NDUFA11: variants seen among roughly 807,000 people sequenced by gnomAD.
NDUFA11 encodes NADH:ubiquinone oxidoreductase subunit A11, also known as NADH dehydrogenase [ubiquinone] 1 alpha subcomplex subunit 11.
A neutral mutation model predicts 11.3 loss-of-function variants in NDUFA11; 14 were observed. That is an observed-to-expected ratio of 1.24 (90% CI 0.82 to 1.94). NDUFA11 has a LOEUF of 1.94. Ranked by LOEUF, NDUFA11 falls within the 30% of genes most tolerant of loss-of-function variation. The pLI, the probability that NDUFA11 is intolerant of heterozygous loss-of-function variation, is 0.00. For missense variants in NDUFA11, 204 were observed against 200.3 expected (o/e 1.02, Z -0.11); for synonymous variants, 87 against 85.6 (o/e 1.02, Z -0.09).
At position 5,896,688 on chromosome 19, in the gene NDUFA11, G is replaced by A. The variant is rs1409480940; in HGVS notation, c.191-113C>T. On this transcript the variant is annotated intron_variant, in intron 2 of 3. Transcript: ENST00000308961. The surrounding 1 kb of genome is among the most constrained non-coding windows in gnomAD (Gnocchi z 5.8). Reference sequence around the variant, plus strand: ...AGATGCCACGAGTCGGCTGCTCGCTGTGCATGGCAGCCTCCTGGCCCCAGT... The same window carrying A: ...AGATGCCACGAGTCGGCTGCTCGCTATGCATGGCAGCCTCCTGGCCCCAGT... The A allele has an allele frequency of 6.8e-7, 1 of 1,462,076 alleles. No individual in the cohort carries two copies. The highest frequency in any genetic ancestry group is 1.4e-5 in the African/African-American group (1 of 71,442). 90.6% of individuals were successfully genotyped at this position (1,462,076 alleles called of 1,614,324 possible).
At chr19:5,892,838 G>T, downstream of NDUFA11, 1 of 1,385,406 alleles carries the variant, frequency 7.2e-7, no homozygotes, top group Non-Finnish European at 9.4e-7. Context: ...CATCTCTGAG[G>T]GGCCCTTATT....
chr19:5,898,861 G>C (rs1265015788), intron 1 of NDUFA11, among the ~76,000 whole-genome samples: 2 of 147,590 alleles, frequency 1.4e-5, no homozygotes, highest in East Asian at 4.0e-4. Context: ...GGGACAGAGT[G>C]AGACTCCGTC....
intron 1 of NDUFA11, 83 bp downstream of exon 1, chr19:5,903,529 C>G (rs1401941609): frequency 1.5e-6 from 2 of 1,330,060 alleles, no homozygotes; most frequent in East Asian, 2.5e-5. Flanking sequence ...CTCCCAGACC[C>G]GTTCGATCCA....
intron 1 of NDUFA11, among the ~76,000 whole-genome samples, chr19:5,898,001 C>G (rs1326870924): frequency 6.6e-6 from 1 of 152,242 alleles, no homozygotes; most frequent in African/African-American, 2.4e-5. Flanking sequence ...AGCCCAGTTG[C>G]AGGCAGGGAC....
At position 5,896,736 on chromosome 19, in the gene NDUFA11, TC is replaced by T; in HGVS notation, c.191-162del. On this transcript the variant is annotated intron_variant, in intron 2 of 3. Coordinates refer to ENST00000308961, the MANE Select transcript of NDUFA11 (RefSeq NM_175614.5). The surrounding 1 kb of genome is among the most constrained non-coding windows in gnomAD (Gnocchi z 5.8). ...AGTCCTGGAGCTGTTCTCCTGGGCC[TC>T]CCCACCCTACATGTATTCCTGATAA... 1.6e-6 allele frequency: 2 copies of T among 1,220,824 alleles called. No homozygotes were observed. The highest frequency in any genetic ancestry group is 2.4e-6 in the Non-Finnish European group (2 of 843,406). The allele number at this position is 1,220,824 out of a possible 1,614,324, so 75.6% of individuals were successfully genotyped here.
rs968686747 is a variant in NDUFA11 at position 5,896,067 on chromosome 19, G to A, written c.313+386C>T. ...CTGACAAGGCACACAGAAGGAAGGC[G>A]GCACAGAGCGAGGGCGGCGGGGATG... On this transcript the variant is annotated intron_variant, in intron 3 of 3. Coordinates refer to ENST00000308961, the MANE Select transcript of NDUFA11 (RefSeq NM_175614.5). This position sits in a 1 kb window ranked among gnomAD's most constrained non-coding sequence, Gnocchi z 5.8. The A allele has an allele frequency of 1.2e-5, 5 of 412,956 alleles. No individual in the cohort carries two copies. The highest frequency in any genetic ancestry group is 4.0e-5 in the African/African-American group (2 of 50,486). The allele number at this position is 412,956 out of a possible 1,614,324, so 25.6% of individuals were successfully genotyped here.
At chr19:5,897,354 G>C (rs1025013281) in intron 1 of NDUFA11, among the ~76,000 whole-genome samples, 1 of 152,160 alleles carries the variant, frequency 6.6e-6, no homozygotes, top group Non-Finnish European at 1.5e-5. Context: ...ACAAGAACAG[G>C]CCTGAGACCT....
At position 5,894,795 on chromosome 19, in the gene NDUFA11, C is replaced by T; in HGVS notation, c.373G>A (p.Val125Ile). ...CAGCCCTCCAGCCGGCCCATCTTGACCAGGGAGGCCGCTATGCCAAAGTAC... is the reference window on the plus strand; with the variant it reads ...CAGCCCTCCAGCCGGCCCATCTTGATCAGGGAGGCCGCTATGCCAAAGTAC... The part of the protein sequence containing the change: ...CVYFGIAASL[V>I]KMGRLEGWEV... The change falls in exon 4 of 4, where the codon GTC becomes ATC. Residue 125 changes from valine to isoleucine, a missense_variant. Coordinates refer to ENST00000308961, the MANE Select transcript of NDUFA11 (RefSeq NM_175614.5). 23 of 1,613,696 alleles carry T rather than the reference C, an allele frequency of 1.4e-5. No individual in the cohort carries two copies. The highest frequency in any genetic ancestry group is 1.9e-5 in the Non-Finnish European group (23 of 1,179,852).
Position 5,903,641 on chromosome 19 carries a change from T to C in NDUFA11, c.68A>G (p.Tyr23Cys). ...PDGTDCHRKA[Y>C]STTSIASVAG... Reference sequence around the variant, plus strand: ...GACGCTGGCAATACTGGTGGTGCTGTAGGCTTTGCGGTGGCAATCGGTGCC... The same window carrying C: ...GACGCTGGCAATACTGGTGGTGCTGCAGGCTTTGCGGTGGCAATCGGTGCC... The change falls in exon 1 of 4, where the codon TAC (tyrosine) becomes TGC (cysteine). Residue 23 changes from tyrosine (Y) to cysteine (C), a missense_variant. Tyr to Cys is a radical substitution (Grantham distance 194). Transcript: ENST00000308961. The C allele has an allele frequency of 1.3e-6, 2 of 1,551,380 alleles. No individual in the cohort carries two copies. Among genetic ancestry groups the C allele is most frequent in the Non-Finnish European group, 1.7e-6 (2 of 1,146,910 alleles).
At chr19:5,900,921 A>AG (rs926626326) in intron 1 of NDUFA11, among the ~76,000 whole-genome samples, 4 of 151,332 alleles carry the variant, frequency 2.6e-5, no homozygotes, top group African/African-American at 9.7e-5. Context: ...AAAAAAAAAA[A>AG]AAAAAAGAAA....
intron 1 of NDUFA11, among the ~76,000 whole-genome samples, chr19:5,897,444 C>T (rs895035921): frequency 3.9e-5 from 6 of 152,200 alleles, no homozygotes; most frequent in African/African-American, 1.4e-4. Context: ...GCCCCAGCTC[C>T]AGGTTCCCAT....
Position 5,896,611 on chromosome 19 carries a change from C to A in NDUFA11, c.191-36G>T. On this transcript the variant is annotated intron_variant, in intron 2 of 3. Transcript: ENST00000308961. The surrounding 1 kb of genome is among the most constrained non-coding windows in gnomAD (Gnocchi z 5.8). ...GACGGGAAGAGCAAGGGCCTCGAGA[C>A]GGGCACAGCAGGAGCCTCTTGGGCG... 1 of 1,555,242 alleles carries A rather than the reference C, an allele frequency of 6.4e-7. No homozygotes were observed. The highest frequency in any genetic ancestry group is 8.7e-7 in the Non-Finnish European group (1 of 1,150,290).
At chr19:5,898,997 G>A (rs970225825) in intron 1 of NDUFA11, among the ~76,000 whole-genome samples, 2 of 151,438 alleles carry the variant, frequency 1.3e-5, no homozygotes, top group African/African-American at 4.9e-5. Context: ...CAGTACAGCC[G>A]TCCCCCCAGG....
At chr19:5,901,591 T>C (rs2057645711) in intron 1 of NDUFA11, 1 of 512,330 alleles carries the variant, frequency 2.0e-6, no homozygotes, top group Non-Finnish European at 3.2e-6. Flanking sequence ...GTTTCACATA[T>C]GCTGGAAATA....
rs1054056687 is a variant in NDUFA11, at chr19:5,896,559, C to G, written c.207G>C (p.Val69=). The G allele has an allele frequency of 6.4e-7, 1 of 1,566,408 alleles. No homozygotes were observed. The change falls in exon 3 of 4, where the codon GTG becomes GTC. Residue 69 remains valine (V), a synonymous_variant. Coordinates refer to ENST00000308961, the MANE Select transcript of NDUFA11 (RefSeq NM_175614.5). The surrounding 1 kb of genome is among the most constrained non-coding windows in gnomAD (Gnocchi z 5.8). Reference sequence around the variant, plus strand: ...CGCTGATGCAGGTGGTGAGGCCAAACACGGCCCCGACAGCAGCTGCGGGGT... The same window carrying G: ...CGCTGATGCAGGTGGTGAGGCCAAAGACGGCCCCGACAGCAGCTGCGGGGT... ...YTFTAAAVGA[V]FGLTTCISAH...
Position 5,896,202 on chromosome 19 carries a change from A to G in NDUFA11, c.313+251T>C. 1.7e-6 allele frequency: 1 copy of G among 578,904 alleles called. No homozygotes were observed. Among genetic ancestry groups the G allele is most frequent in the Non-Finnish European group, 3.0e-6 (1 of 331,818 alleles). 35.9% of individuals were successfully genotyped at this position (578,904 alleles called of 1,614,324 possible). A position where few individuals can be genotyped will look rare whatever the true frequency, so the allele number is the denominator to read the frequency against. ...ACTGTACCTGGCATGTGGGAGGAGC[A>G]GTGAGGAGGCCCGTGTGGCTGGAGC... On this transcript the variant is annotated intron_variant, in intron 3 of 3. Coordinates refer to ENST00000308961, the MANE Select transcript of NDUFA11 (RefSeq NM_175614.5). This position sits in a 1 kb window ranked among gnomAD's most constrained non-coding sequence, Gnocchi z 5.8.
intron 1 of NDUFA11, among the ~76,000 whole-genome samples, chr19:5,897,849 G>A (rs906857541): frequency 2.0e-5 from 3 of 152,168 alleles, no homozygotes; most frequent in Admixed American, 6.5e-5. Flanking sequence ...CTTGGGCCAC[G>A]TCCTCCCAGA....
Position 5,894,856 on chromosome 19 carries a change from T to C in NDUFA11, c.314-2A>G, listed in dbSNP as rs863224079. 1.3e-6 allele frequency: 2 copies of C among 1,599,926 alleles called. No homozygotes were observed. Among genetic ancestry groups the C allele is most frequent in the Non-Finnish European group, 8.5e-7 (1 of 1,172,834 alleles). On this transcript the variant is annotated splice_acceptor_variant, in intron 3 of 3. Coordinates refer to ENST00000308961, the MANE Select transcript of NDUFA11 (RefSeq NM_175614.5). LOFTEE classifies it high-confidence loss of function. Reference sequence around the variant, plus strand: ...CGGCGCCAATCCCGTAGTTGTGCGCTGTGGGAGTGGGGAGGTGATGTCAGG... The same window carrying C: ...CGGCGCCAATCCCGTAGTTGTGCGCCGTGGGAGTGGGGAGGTGATGTCAGG...
At chr19:5,892,935 A>G, downstream of NDUFA11, 1 of 1,451,494 alleles carries the variant, frequency 6.9e-7, no homozygotes, top group South Asian at 1.4e-5. Context: ...TGGGGTTCGA[A>G]CCCAGAGTGT....
Sources: gnomAD v4.1 joint callset for allele counts (sites outside exome capture counted in the v4.1 genomes callset) on GRCh38, gnomAD v4.1.1 for gene constraint, Gnocchi (gnomAD v3.1) non-coding constraint, MANE v1.5 for transcripts, NCBI Gene and HGNC (gene_info 2026-07-23, HGNC 2026-07-21) for gene names.